The following KIAA1210 variants were observed in gnomAD, a reference collection of about 807,000 sequenced individuals.
KIAA1210 encodes the protein acrosomal protein KIAA1210.
In KIAA1210, 48 loss-of-function variants were observed where a neutral mutation model predicts 78.9. That is an observed-to-expected ratio of 0.61 (90% confidence interval 0.48 to 0.77). The LOEUF (loss-of-function observed/expected upper bound fraction) is 0.77, where lower values mean the gene tolerates loss of function less well. Among genes scored for constraint, KIAA1210 ranks in the 30% least tolerant of loss-of-function variants. The pLI is 0.00. For synonymous variants in KIAA1210, 406 were observed against 404.5 expected, an observed-to-expected ratio of 1.00 and a Z score of -0.04; for missense variants, 1,108 against 1,100.0, an observed-to-expected ratio of 1.01 and a Z score of -0.10.
intron 2 of KIAA1210, among the ~76,000 whole-genome samples, chrX:119,137,922 A>T (rs1928953308): frequency 8.9e-6 from 1 of 111,828 alleles, no homozygotes; most frequent in South Asian, 3.7e-4. Flanking sequence ...GAGGGGTAAG[A>T]TCAAGTCAGA....
intron 2 of KIAA1210, among the ~76,000 whole-genome samples, chrX:119,118,346 A>T (rs1259700957): frequency 8.9e-6 from 1 of 112,264 alleles, no homozygotes; most frequent in Non-Finnish European, 1.9e-5. Context: ...AAGTGTGTTC[A>T]GAGGGATGCT....
intron 10 of KIAA1210, 98 bp from the exon 11 acceptor site, chrX:119,083,218 G>A (rs766985497): frequency 2.5e-5 from 13 of 521,974 alleles, no homozygotes; most frequent in Non-Finnish European, 2.7e-5. Flanking sequence ...CCTGTCCTGG[G>A]TACTATGAGT....
intron 2 of KIAA1210, chrX:119,147,419 T>C: frequency 2.5e-6 from 3 of 1,194,330 alleles, no homozygotes; most frequent in Non-Finnish European, 2.3e-6. Flanking sequence ...TAATTTACAA[T>C]AGTAATTCCC....
At chrX:119,139,431 C>T (rs1048326303) in intron 2 of KIAA1210, among the ~76,000 whole-genome samples, 5 of 111,414 alleles carry the variant, frequency 4.5e-5, no homozygotes, top group Admixed American at 3.8e-4. Context: ...GTATACTATT[C>T]GGGTGTTGGG....
chrX:119,147,581 A>C (rs1451591094), exon 2 of KIAA1210: 8 of 1,208,137 alleles, frequency 6.6e-6, no homozygotes, highest in African/African-American at 1.8e-5. Flanking sequence ...AGTGCCACAA[A>C]AGCATCCAGG....
At chrX:119,138,223 T>TTG (rs1365201660) in intron 2 of KIAA1210, among the ~76,000 whole-genome samples, 1 of 87,339 alleles carries the variant, frequency 1.1e-5, no homozygotes, top group Non-Finnish European at 2.3e-5. Flanking sequence ...TTTTTTTTTT[T>TTG]TTTTTTTTTT....
chrX:119,117,464 C>T (rs1318688335), intron 2 of KIAA1210, among the ~76,000 whole-genome samples: 1 of 111,403 alleles, frequency 9.0e-6, no homozygotes, highest in Non-Finnish European at 1.9e-5. Flanking sequence ...CTGCCCTTTG[C>T]ACATGCAGAT....
intron 2 of KIAA1210, among the ~76,000 whole-genome samples, chrX:119,120,468 C>A (rs928578448): frequency 1.8e-5 from 2 of 111,884 alleles, no homozygotes; most frequent in Non-Finnish European, 3.8e-5. Flanking sequence ...TCTATAAACA[C>A]TGACTAACTG....
At chrX:119,150,586 G>C, upstream of KIAA1210, 1 of 1,196,041 alleles carries the variant, frequency 8.4e-7, no homozygotes, top group Non-Finnish European at 1.1e-6. Context: ...TCATTTCCCC[G>C]CGTAGAGTTG....
chrX:119,095,318 G>A (rs1927515824), intron 7 of KIAA1210, among the ~76,000 whole-genome samples: 1 of 112,493 alleles, frequency 8.9e-6, no homozygotes, highest in Non-Finnish European at 1.9e-5. Context: ...AGAATCACTG[G>A]CGAATTCAGT....
At chrX:119,131,223 C>T (rs946577951), upstream of KIAA1210, among the ~76,000 whole-genome samples, 1 of 112,236 alleles carries the variant, frequency 8.9e-6, no homozygotes, top group African/African-American at 3.2e-5. Context: ...AGATTCCCAC[C>T]CCCTGGTATG....
chrX:119,150,491 G>T, exon 1 of KIAA1210: 1 of 1,211,344 alleles, frequency 8.3e-7, no homozygotes. Context: ...TCGGTCCCTG[G>T]GGCCCAGGTG....
chrX:119,126,223 G>T (rs928420538), intron 1 of KIAA1210, among the ~76,000 whole-genome samples: 3 of 107,126 alleles, frequency 2.8e-5, no homozygotes, highest in African/African-American at 1.0e-4. Context: ...GGGCCGGGGG[G>T]CGGGGCTGGT....
At chrX:119,136,663 C>A (rs1301722628) in intron 2 of KIAA1210, among the ~76,000 whole-genome samples, 10 of 109,531 alleles carry the variant, frequency 9.1e-5, no homozygotes, top group African/African-American at 3.3e-4. Flanking sequence ...CCCATCTCTA[C>A]AAAAAAAAAT....
rs756226612 is a variant in KIAA1210 at position 119,125,609 on chromosome X, A to G, written c.-10-1957T>C. Among the ~76,000 whole-genome samples, 20 of 97,527 alleles carry G rather than the reference A, an allele frequency of 2.1e-4. 1 individual carries two copies. The Admixed American group carries it at 2.2e-3, about 11-fold the overall frequency. 84.7% of individuals were successfully genotyped at this position (97,527 alleles called of 115,157 possible). A position where few individuals can be genotyped will look rare whatever the true frequency, so the allele number is the denominator to read the frequency against. Reference sequence around the variant, plus strand: ...GCCCAGGCTGGAGTGCAGTGGTGCAATCATAGTTCACTGCAGCCTCAACCT... The same window carrying G: ...GCCCAGGCTGGAGTGCAGTGGTGCAGTCATAGTTCACTGCAGCCTCAACCT... On this transcript the variant is annotated intron_variant, in intron 1 of 11. Coordinates refer to ENST00000691062, the MANE Select transcript of KIAA1210 (RefSeq NM_001394962.1).
At chrX:119,129,565 G>A (rs1657527609), upstream of KIAA1210, among the ~76,000 whole-genome samples, 2 of 110,990 alleles carry the variant, frequency 1.8e-5, no homozygotes, top group African/African-American at 6.6e-5. Context: ...CATGCTATAC[G>A]GGGCAGAGGA....
At chrX:119,089,802 A>G in intron 8 of KIAA1210, 56 bp from the exon 9 acceptor site, 1 of 1,062,528 alleles carries the variant, frequency 9.4e-7, no homozygotes. Flanking sequence ...ACTTCCTAAA[A>G]TAAGAATACT....
At position 119,089,155 on chromosome X, in the gene KIAA1210, T is replaced by C. The variant is rs1440077981; in HGVS notation, c.1547A>G (p.Gln516Arg). The change falls in exon 9 of 12, where the codon CAG (glutamine) becomes CGG (arginine). Residue 516 changes from glutamine (Q) to arginine (R), a missense_variant. By Grantham distance (43) the Gln-to-Arg change is conservative. Coordinates refer to ENST00000691062, the MANE Select transcript of KIAA1210 (RefSeq NM_001394962.1). ...GATATGAGAAGGATTCATAAACACC[T>C]GAGCCTCTGCTGCTACTGAGAGAAT... ...EAILSVAAEA[Q>R]VFMNPSHIQL... The C allele has an allele frequency of 3.3e-6, 4 of 1,211,191 alleles. No individual in the cohort carries two copies. The South Asian group carries it at 7.0e-5, about 21-fold the overall frequency.
Position 119,088,654 on chromosome X carries a change from T to TA in KIAA1210, c.2047_2048insT (p.Lys683IlefsTer6). 1 of 1,211,329 alleles carries TA rather than the reference T, an allele frequency of 8.3e-7. No homozygotes were observed. The highest frequency in any genetic ancestry group is 1.1e-6 in the Non-Finnish European group (1 of 895,205). ...GCTGCAATCATCAGAAGTGTTGTAC[T>TA]TTTCAACATAACTGCTTGATTCTGT... On this transcript the variant is annotated frameshift_variant, in exon 9 of 12. Coordinates refer to ENST00000691062, the MANE Select transcript of KIAA1210 (RefSeq NM_001394962.1). LOFTEE classifies it high-confidence loss of function.
Sources: allele counts gnomAD v4.1 joint callset (sites outside exome capture counted in the v4.1 genomes callset), GRCh38; gene constraint gnomAD v4.1.1; transcripts MANE v1.5; gene names NCBI Gene and HGNC (gene_info 2026-07-23, HGNC 2026-07-21).